Variants in PDE2A observed in about 807,000 individuals in gnomAD.
PDE2A encodes the protein cGMP-dependent 3',5'-cyclic phosphodiesterase.
A neutral mutation model predicts 133.6 loss-of-function variants in PDE2A; 53 were observed. The observed-to-expected ratio is 0.40, with a 90% confidence interval of 0.32 to 0.50. The LOEUF (loss-of-function observed/expected upper bound fraction) is 0.50, where lower values mean the gene tolerates loss of function less well. Among genes scored for constraint, PDE2A ranks in the 20% least tolerant of loss-of-function variants. The pLI, the probability that PDE2A is intolerant of heterozygous loss-of-function variation, is 0.73. For missense variants in PDE2A, 796 were observed against 1,232.4 expected (o/e 0.65, Z 5.30); for synonymous variants, 491 against 490.2 (o/e 1.00, Z -0.02).
At chr11:72,584,075 C>A (rs913274400) in intron 19 of PDE2A, 126 bp downstream of exon 19, 17 of 627,564 alleles carry the variant, frequency 2.7e-5, no homozygotes, top group Non-Finnish European at 4.8e-5. Flanking sequence ...ACCCCAGCGG[C>A]GGGACTCTGA....
Position 72,577,604 on chromosome 11 carries a change from C to T in PDE2A, c.2616-10G>A. On this transcript the variant is annotated splice_polypyrimidine_tract_variant and intron_variant, in intron 30 of 30. Coordinates refer to ENST00000334456, the MANE Select transcript of PDE2A (RefSeq NM_002599.5). ...CAGGTCCTGCAACAGCCTGCGGGTG[C>T]ATGGGGGGCAGAGGGCGAGAGGCCA... 6.5e-7 allele frequency: 1 copy of T among 1,538,446 alleles called. No individual in the cohort carries two copies. Among genetic ancestry groups the T allele is most frequent in the Non-Finnish European group, 8.6e-7 (1 of 1,160,310 alleles).
chr11:72,581,288 G>C (rs997427677), intron 23 of PDE2A, 69 bp downstream of exon 23: 9 of 1,472,722 alleles, frequency 6.1e-6, no homozygotes, highest in Non-Finnish European at 8.3e-6. Context: ...TGACACACAG[G>C]GGGTGCTTCC....
chr11:72,643,399 C>T (rs1412642443), intron 1 of PDE2A: 7 of 152,374 alleles, frequency 4.6e-5, no homozygotes, highest in Admixed American at 3.9e-4. Context: ...CTCGCTAGGC[C>T]TTTGCCAGCG....
chr11:72,654,717 C>A, intron 1 of PDE2A, among the ~76,000 whole-genome samples: 1 of 152,254 alleles, frequency 6.6e-6, no homozygotes, highest in Non-Finnish European at 1.5e-5. Flanking sequence ...AGGCACCCAG[C>A]TGCTCTTGGT....
chr11:72,637,470 C>T (rs139322187), intron 2 of PDE2A, among the ~76,000 whole-genome samples: 58 of 152,358 alleles, frequency 3.8e-4, no homozygotes, highest in Non-Finnish European at 7.6e-4. Context: ...CCTGGAAGTA[C>T]ACATGTGTGA....
rs564117693 is a variant in PDE2A at position 72,622,574 on chromosome 11, G to C, written c.145-13823C>G. ...GTAAAACTTGAAGACGTTATGCTAA[G>C]TAAACTTAAAAACCAGTCACAAAAA... On this transcript the variant is annotated intron_variant, in intron 2 of 30. Coordinates refer to ENST00000334456, the MANE Select transcript of PDE2A (RefSeq NM_002599.5). Among the ~76,000 whole-genome samples the C allele has an allele frequency of 4.2e-4, 64 of 152,316 alleles. 1 individual carries two copies. The highest frequency in any genetic ancestry group is 1.3e-3 in the African/African-American group (53 of 41,562).
chr11:72,595,395 C>T (rs1487492460), intron 6 of PDE2A, among the ~76,000 whole-genome samples: 78 of 152,246 alleles, frequency 5.1e-4, no homozygotes, highest in Non-Finnish European at 5.9e-5. Context: ...CTCCGTGCAA[C>T]AGCAGCTCCG....
chr11:72,581,746 TC>T, intron 22 of PDE2A, 130 bp downstream of exon 22: 1 of 910,510 alleles, frequency 1.1e-6, no homozygotes, highest in Non-Finnish European at 1.8e-6. Flanking sequence ...TCATGGATCC[TC>T]CCCACCCCCA....
intron 10 of PDE2A, 38 bp downstream of exon 10, chr11:72,589,869 A>C (rs746482775): frequency 1.1e-5 from 17 of 1,608,788 alleles, no homozygotes; most frequent in South Asian, 2.2e-5. Context: ...TTCCTCGCCC[A>C]GCCCCGCCCC....
chr11:72,633,024 G>A (rs1329975383), intron 2 of PDE2A, among the ~76,000 whole-genome samples: 1 of 152,150 alleles, frequency 6.6e-6, no homozygotes, highest in African/African-American at 2.4e-5. Context: ...AGGCCCCCCA[G>A]GCCAGCTCAC....
rs1206159858 is a variant in PDE2A at position 72,584,190 on chromosome 11, C to A, written c.1650+11G>T. 3 of 1,471,772 alleles carry A rather than the reference C, an allele frequency of 2.0e-6. No individual in the cohort carries two copies. The highest frequency in any genetic ancestry group is 2.3e-5 in the South Asian group (2 of 87,374). 91.2% of individuals were successfully genotyped at this position (1,471,772 alleles called of 1,614,324 possible). ...TATCACCCCACACCCCACTCCCAACCCCGCCCTCACATGGGCGATGCTGAT... is the reference window on the plus strand; with the variant it reads ...TATCACCCCACACCCCACTCCCAACACCGCCCTCACATGGGCGATGCTGAT... On this transcript the variant is annotated intron_variant, in intron 19 of 30. Transcript: ENST00000334456.
rs1591017729 is a variant in PDE2A, at chr11:72,583,888, G to A, written c.1650+313C>T. On this transcript the variant is annotated intron_variant, in intron 19 of 30. Coordinates refer to ENST00000334456, the MANE Select transcript of PDE2A (RefSeq NM_002599.5). ...CAGTAGGCCTGGACACCGAGACCCA[G>A]CACTTCCAAAAAAGCACTCGGCTTG... Among the ~76,000 whole-genome samples the A allele has an allele frequency of 2.6e-5, 4 of 152,280 alleles. No individual in the cohort carries two copies. In the South Asian group the frequency reaches 8.3e-4, roughly 32 times the overall value.
rs189065851 is a variant in PDE2A, at chr11:72,645,140, C to A, written c.72-2814G>T. 1.0e-3 allele frequency among the ~76,000 whole-genome samples: 157 copies of A among 152,292 alleles called. 1 individual carries two copies. The highest frequency in any genetic ancestry group is 3.7e-3 in the African/African-American group (152 of 41,574). On this transcript the variant is annotated intron_variant, in intron 1 of 30. Coordinates refer to ENST00000334456, the MANE Select transcript of PDE2A (RefSeq NM_002599.5). ...CCTGGTGTGTGCTCTATGTGTCCCTCAGCTCAAAGAGTCTTTCTGTGTCAA... is the reference window on the plus strand; with the variant it reads ...CCTGGTGTGTGCTCTATGTGTCCCTAAGCTCAAAGAGTCTTTCTGTGTCAA...
rs1261365739 is a variant in PDE2A, at chr11:72,658,165, T to C, written c.72-15839A>G. On this transcript the variant is annotated intron_variant, in intron 1 of 30. Transcript: ENST00000334456. ...CAATCCTCTGGGAAGCCTTTCAGGA[T>C]GCCCCACCCCGACTTATCGCTGCCT... The C allele has an allele frequency of 1.1e-5, 5 of 455,740 alleles. No homozygotes were observed. The East Asian group carries it at 3.5e-4, about 32-fold the overall frequency. The allele number at this position is 455,740 out of a possible 1,614,324, so 28.2% of individuals were successfully genotyped here. A position where few individuals can be genotyped will look rare whatever the true frequency, so the allele number is the denominator to read the frequency against.
At chr11:72,663,968 C>T (rs1216167773) in intron 1 of PDE2A, among the ~76,000 whole-genome samples, 1 of 152,224 alleles carries the variant, frequency 6.6e-6, no homozygotes, top group African/African-American at 2.4e-5. Context: ...CAGCTTCATC[C>T]AGGGCTCCCT....
intron 1 of PDE2A, among the ~76,000 whole-genome samples, chr11:72,671,619 C>CG (rs895581683): frequency 2.0e-5 from 3 of 151,990 alleles, no homozygotes; most frequent in African/African-American, 4.8e-5. Flanking sequence ...GGAATGACTG[C>CG]GGGGGGTGGG....
chr11:72,576,612 G>T lies in PDE2A; in HGVS notation c.*772C>A, dbSNP rs149178099. On this transcript the variant is annotated 3_prime_UTR_variant, in exon 31 of 31. Transcript: ENST00000334456. ...ACATTGATCTAAAATGGATCTTAGA[G>T]CATGGATTGTCTTACCCGCTCCCTG... is the stretch of plus-strand genomic sequence containing the variant. The T allele has an allele frequency of 2.4e-3, 404 of 169,622 alleles. 5 individuals are homozygous for T. Among genetic ancestry groups the T allele is most frequent in the Non-Finnish European group, 3.8e-3 (260 of 68,356 alleles). 10.5% of individuals were successfully genotyped at this position (169,622 alleles called of 1,614,324 possible). A position where few individuals can be genotyped will look rare whatever the true frequency, so the allele number is the denominator to read the frequency against.
chr11:72,581,097 G>C (rs2135274492), intron 23 of PDE2A, 124 bp from the exon 24 acceptor site: 1 of 774,734 alleles, frequency 1.3e-6, no homozygotes, highest in Non-Finnish European at 2.2e-6. Flanking sequence ...TGGAACACCT[G>C]GGTTCCCTTC....
At chr11:72,585,144 T>A in intron 16 of PDE2A, 200 bp from the exon 17 acceptor site, 2 of 638,508 alleles carry the variant, frequency 3.1e-6, no homozygotes, top group Non-Finnish European at 5.5e-6. Flanking sequence ...GCACCTACTA[T>A]GTGCCAGGCA....
Sources: gnomAD v4.1 joint callset for allele counts (sites outside exome capture counted in the v4.1 genomes callset) on GRCh38, gnomAD v4.1.1 for gene constraint, MANE v1.5 for transcripts, NCBI Gene and HGNC (gene_info 2026-07-23, HGNC 2026-07-21) for gene names.